HOXB3: variants seen among roughly 807,000 people sequenced by gnomAD.
HOXB3 encodes homeobox B3.
In HOXB3, 17 loss-of-function variants were observed where a neutral mutation model predicts 29.2. That is an observed-to-expected ratio of 0.58 (90% CI 0.40 to 0.87). The LOEUF (loss-of-function observed/expected upper bound fraction) is 0.87, where lower values mean the gene tolerates loss of function less well. Among genes scored for constraint, HOXB3 ranks in the 40% least tolerant of loss-of-function variants. The probability of loss-of-function intolerance (pLI) is 0.00; values close to 1 mark genes in which losing one functional copy is unlikely to be tolerated. For missense variants in HOXB3, 637 were observed against 616.3 expected (o/e 1.03, Z -0.35); for synonymous variants, 317 against 285.9 (o/e 1.11, Z -1.10).
At chr17:48,567,280 C>G (rs750048208) in intron 2 of HOXB3, among the ~76,000 whole-genome samples, 6 of 152,260 alleles carry the variant, frequency 3.9e-5, no homozygotes, top group Non-Finnish European at 8.8e-5. Flanking sequence ...TGCCACTCCA[C>G]GTAGTGGATG....
At chr17:48,586,888 G>A (rs1413887341) in intron 1 of HOXB3, among the ~76,000 whole-genome samples, 4 of 152,150 alleles carry the variant, frequency 2.6e-5, no homozygotes, top group African/African-American at 9.7e-5. Context: ...AGGTGAGGGG[G>A]GAGGTTAACC....
At chr17:48,584,735 C>T (rs1431737751) in intron 1 of HOXB3, among the ~76,000 whole-genome samples, 1 of 152,192 alleles carries the variant, frequency 6.6e-6, no homozygotes, top group Non-Finnish European at 1.5e-5. Context: ...CAACTCACCA[C>T]CACCACCACC....
chr17:48,579,566 G>C (rs1422590190), intron 1 of HOXB3: 1 of 152,722 alleles, frequency 6.5e-6, no homozygotes, highest in African/African-American at 2.4e-5. Flanking sequence ...GCCCAGAATA[G>C]AAAATGGGTG....
intron 4 of HOXB3, among the ~76,000 whole-genome samples, chr17:48,551,614 G>A (rs1276506126): frequency 6.6e-6 from 1 of 152,252 alleles, no homozygotes; most frequent in African/African-American, 2.4e-5. Flanking sequence ...GGACACTCGT[G>A]GGCAGGAAGT....
chr17:48,578,131 C>T, intron 1 of HOXB3: 4 of 1,535,722 alleles, frequency 2.6e-6, no homozygotes, highest in Non-Finnish European at 3.5e-6. Context: ...CCGCGTAGCG[C>T]TGCACGGTGC....
intron 2 of HOXB3, among the ~76,000 whole-genome samples, chr17:48,563,017 G>A (rs968743320): frequency 1.3e-5 from 2 of 152,184 alleles, no homozygotes; most frequent in Non-Finnish European, 2.9e-5. Context: ...AGGCTGCCAA[G>A]GTCCAGCCTC....
intron 2 of HOXB3, among the ~76,000 whole-genome samples, chr17:48,565,454 AG>A (rs1337477836): frequency 6.6e-6 from 1 of 152,190 alleles, no homozygotes; most frequent in Admixed American, 6.5e-5. Context: ...TGCTCCCCAA[AG>A]GGTTTGGGCT....
chr17:48,557,186 G>A (rs1304466329), intron 2 of HOXB3: 2 of 152,386 alleles, frequency 1.3e-5, no homozygotes, highest in Admixed American at 6.5e-5. Flanking sequence ...TGCTGACTCG[G>A]AGCTAGGGGA....
At chr17:48,582,584 C>T (rs2069970149) in intron 1 of HOXB3, 1 of 152,330 alleles carries the variant, frequency 6.6e-6, no homozygotes, top group East Asian at 1.9e-4. Context: ...CTGCGGTTCA[C>T]CTCTCTCCCA....
At chr17:48,557,105 G>A (rs1000660499) in intron 2 of HOXB3, among the ~76,000 whole-genome samples, 3 of 152,150 alleles carry the variant, frequency 2.0e-5, no homozygotes, top group East Asian at 3.8e-4. Flanking sequence ...TAGTCATTCC[G>A]GGAGGAAGGA....
At position 48,549,276 on chromosome 17, in the gene HOXB3, A is replaced by G. The variant is rs1299802677; in HGVS notation, c.*1058T>C. The G allele has an allele frequency of 2.0e-5, 3 of 152,656 alleles. No homozygotes were observed. Among genetic ancestry groups the G allele is most frequent in the Non-Finnish European group, 4.4e-5 (3 of 68,042 alleles). 9.5% of individuals were successfully genotyped at this position (152,656 alleles called of 1,614,324 possible). On this transcript the variant is annotated 3_prime_UTR_variant, in exon 5 of 5. Transcript: ENST00000498678. ...TTAACAGGCTATAACCAATAAATAT[A>G]TATGAAAATGTTCACTAGAACACAC... is the stretch of plus-strand genomic sequence containing the variant.
chr17:48,579,737 A>C (rs773004737), intron 1 of HOXB3: 73 of 286,874 alleles, frequency 2.5e-4, no homozygotes, highest in Non-Finnish European at 4.7e-4. Flanking sequence ...AGATAGAGGA[A>C]TAAAGAGGAA....
In HOXB3 at chr17:48,549,521, G is replaced by A. The variant is rs527914344; in HGVS notation, c.*813C>T. On this transcript the variant is annotated 3_prime_UTR_variant, in exon 5 of 5. Transcript: ENST00000498678. ...CAACAGAAGAAAAGTATAGAACCTC[G>A]TGTCACCAACTGCTTTCTGTGGAGA... 6.5e-6 allele frequency: 1 copy of A among 152,682 alleles called. No individual in the cohort carries two copies. The highest frequency in any genetic ancestry group is 1.5e-5 in the Non-Finnish European group (1 of 68,046). The allele number at this position is 152,682 out of a possible 1,614,324, so 9.5% of individuals were successfully genotyped here.
intron 1 of HOXB3, chr17:48,578,445 G>A: frequency 5.5e-6 from 7 of 1,262,512 alleles, no homozygotes; most frequent in East Asian, 2.9e-5. Context: ...GTGATCCTCC[G>A]AGCCAATGGC....
At chr17:48,552,776 G>T in intron 3 of HOXB3, 144 bp from the exon 4 acceptor site, 1 of 368,914 alleles carries the variant, frequency 2.7e-6, no homozygotes, top group Admixed American at 4.1e-5. Context: ...AGAAAAAAAA[G>T]CCCACCAGTT....
At chr17:48,551,906 G>T in intron 4 of HOXB3, 121 bp downstream of exon 4, 1 of 897,308 alleles carries the variant, frequency 1.1e-6, no homozygotes, top group Non-Finnish European at 1.7e-6. Flanking sequence ...AAATGTACCC[G>T]CTGGCCACCT....
At chr17:48,560,685 G>A (rs2069161538) in intron 2 of HOXB3, among the ~76,000 whole-genome samples, 1 of 152,204 alleles carries the variant, frequency 6.6e-6, no homozygotes, top group African/African-American at 2.4e-5. Flanking sequence ...ACTGGGGGAG[G>A]AGCTGGAAAA....
At chr17:48,558,273 G>A (rs1051730556) in intron 2 of HOXB3, among the ~76,000 whole-genome samples, 7 of 152,142 alleles carry the variant, frequency 4.6e-5, no homozygotes, top group African/African-American at 1.7e-4. Flanking sequence ...GTGGAGGAGT[G>A]TTCCAGAGAC....
chr17:48,551,117 A>C lies in HOXB3; in HGVS notation c.513T>G (p.Gly171=), dbSNP rs755210658. 2.4e-5 allele frequency: 32 copies of C among 1,336,146 alleles called. No homozygotes were observed. Among genetic ancestry groups the C allele is most frequent in the Non-Finnish European group, 2.7e-5 (28 of 1,044,026 alleles). The allele number at this position is 1,336,146 out of a possible 1,614,324, so 82.8% of individuals were successfully genotyped here. ...GGGGSGGSGG[G]GGGGGGGDKS... is the part of the protein sequence containing the mutation. ...TGTCCCCTCCCCCGCCGCCGCCGCCACCGCCCCCGCTGCCACCACTGCCTC... is the reference window on the plus strand; with the variant it reads ...TGTCCCCTCCCCCGCCGCCGCCGCCCCCGCCCCCGCTGCCACCACTGCCTC... Residue 171 remains glycine (G), a synonymous_variant, in exon 5 of 5, where the codon GGT becomes GGG. Coordinates refer to ENST00000498678, the MANE Select transcript of HOXB3 (RefSeq NM_001384749.1).
Sources: allele counts gnomAD v4.1 joint callset (sites outside exome capture counted in the v4.1 genomes callset), GRCh38; gene constraint gnomAD v4.1.1; transcripts MANE v1.5; gene names NCBI Gene and HGNC (gene_info 2026-07-23, HGNC 2026-07-21).